The following MTUS2 variants were observed in gnomAD, a reference collection of about 807,000 sequenced individuals.
MTUS2 encodes the protein microtubule associated scaffold protein 2.
In MTUS2, 40 loss-of-function variants were observed where a neutral mutation model predicts 114.1. The observed-to-expected ratio is 0.35, with a 90% CI of 0.27 to 0.46. The LOEUF is 0.46. Among genes scored for constraint, MTUS2 ranks in the 20% least tolerant of loss-of-function variants. The probability of loss-of-function intolerance (pLI) is 1.00; values close to 1 mark genes in which losing one functional copy is unlikely to be tolerated. For missense variants in MTUS2, 1,679 were observed against 1,705.4 expected, an observed-to-expected ratio of 0.98 and a Z score of 0.27; for synonymous variants, 688 against 672.0, an observed-to-expected ratio of 1.02 and a Z score of -0.37.
chr13:29,355,525 G>T (rs898548535), intron 7 of MTUS2, among the ~76,000 whole-genome samples: 3 of 152,234 alleles, frequency 2.0e-5, no homozygotes, highest in African/African-American at 7.2e-5. Context: ...TGGGCAAGGT[G>T]GTCAGAAGAC....
intron 2 of MTUS2, among the ~76,000 whole-genome samples, chr13:28,895,195 G>A (rs962777380): frequency 6.6e-6 from 1 of 152,110 alleles, no homozygotes; most frequent in Non-Finnish European, 1.5e-5. Flanking sequence ...TCCCAGATCC[G>A]AAATACAGTG....
At chr13:28,830,415 T>A (rs1566163281) in intron 1 of MTUS2, among the ~76,000 whole-genome samples, 1 of 152,032 alleles carries the variant, frequency 6.6e-6, no homozygotes. Context: ...AGAAAAATGA[T>A]GTCTCTTCAA....
chr13:29,002,253 A>C (rs962379951), intron 2 of MTUS2, among the ~76,000 whole-genome samples: 1 of 152,178 alleles, frequency 6.6e-6, no homozygotes, highest in Non-Finnish European at 1.5e-5. Context: ...CACTCAGCAA[A>C]ATGACCGTGT....
chr13:29,000,409 C>A (rs1206020129), intron 2 of MTUS2, among the ~76,000 whole-genome samples: 1 of 151,996 alleles, frequency 6.6e-6, no homozygotes, highest in Non-Finnish European at 1.5e-5. Context: ...GTTGCCCAGG[C>A]TGTAGTGCAG....
At chr13:29,164,510 T>A (rs1019240956) in intron 5 of MTUS2, among the ~76,000 whole-genome samples, 2 of 152,208 alleles carry the variant, frequency 1.3e-5, no homozygotes, top group Non-Finnish European at 2.9e-5. Context: ...TAAAGATTGG[T>A]TATTGACAGG....
chr13:29,428,948 GAGAA>G, intron 8 of MTUS2: 1 of 1,597,204 alleles, frequency 6.3e-7, no homozygotes, highest in Non-Finnish European at 8.6e-7. Flanking sequence ...CAAGGGCAGA[GAGAA>G]AGCCGTGAGC....
intron 1 of MTUS2, among the ~76,000 whole-genome samples, chr13:28,821,738 T>C (rs774660162): frequency 6.6e-6 from 1 of 152,244 alleles, no homozygotes; most frequent in Non-Finnish European, 1.5e-5. Flanking sequence ...TTGTGGAGCA[T>C]TGTATTGTCA....
At chr13:29,099,249 T>G (rs1011043800) in intron 4 of MTUS2, among the ~76,000 whole-genome samples, 1 of 152,250 alleles carries the variant, frequency 6.6e-6, no homozygotes, top group African/African-American at 2.4e-5. Flanking sequence ...TTTTTGTTTT[T>G]TGTGCTTTTC....
chr13:29,317,432 CTTTTT>C lies in MTUS2; in HGVS notation c.2807-7168_2807-7164del, dbSNP rs552766235. 3.9e-5 allele frequency among the ~76,000 whole-genome samples: 2 copies of C among 51,664 alleles called. 1 individual carries two copies. Among genetic ancestry groups the C allele is most frequent in the Non-Finnish European group, 7.6e-5 (2 of 26,432 alleles). 33.9% of individuals were successfully genotyped at this position (51,664 alleles called of 152,430 possible). A position where few individuals can be genotyped will look rare whatever the true frequency, so the allele number is the denominator to read the frequency against. On this transcript the variant is annotated intron_variant, in intron 6 of 15. Transcript: ENST00000612955. Reference sequence around the variant, plus strand: ...GCTTGTGCGCGCGCTCTCTCTCTCTCTTTTTTTTTTTTTTTTTGAGACGGAGTCTC... The same window carrying C: ...GCTTGTGCGCGCGCTCTCTCTCTCTCTTTTTTTTTTTTGAGACGGAGTCTC...
intron 5 of MTUS2, among the ~76,000 whole-genome samples, chr13:29,232,466 A>G (rs187165168): frequency 4.6e-5 from 7 of 152,314 alleles, no homozygotes; most frequent in Admixed American, 2.0e-4. Context: ...ATAAATAGCC[A>G]TTGGGGGGGA....
At chr13:29,288,182 A>G (rs1363949278) in intron 6 of MTUS2, among the ~76,000 whole-genome samples, 1 of 152,226 alleles carries the variant, frequency 6.6e-6, no homozygotes, top group African/African-American at 2.4e-5. Flanking sequence ...GAAAGTTTTA[A>G]GTTGGAGATT....
intron 5 of MTUS2, among the ~76,000 whole-genome samples, chr13:29,206,795 G>T (rs535620863): frequency 5.7e-4 from 87 of 152,262 alleles, no homozygotes; most frequent in Non-Finnish European, 9.4e-4. Context: ...GTACCATGCT[G>T]TTTTGGTGAC....
intron 5 of MTUS2, among the ~76,000 whole-genome samples, chr13:29,139,428 TTATAA>T (rs1422689130): frequency 1.3e-5 from 2 of 152,344 alleles, no homozygotes; most frequent in East Asian, 1.9e-4. Context: ...TCATTTTAAC[TTATAA>T]TAAATAGTTT....
intron 5 of MTUS2, among the ~76,000 whole-genome samples, chr13:29,183,253 TGAGAGA>T (rs60832110): frequency 0.085 from 12,524 of 147,306 alleles, 661 homozygotes; most frequent in African/African-American, 0.14. Context: ...GATGTTGGGG[TGAGAGA>T]GAGAGAGAGA....
At position 29,247,621 on chromosome 13, in the gene MTUS2, C is replaced by G. The variant is rs139090725; in HGVS notation, c.2645-34083C>G. On this transcript the variant is annotated intron_variant, in intron 5 of 15. Coordinates refer to ENST00000612955, the MANE Select transcript of MTUS2 (RefSeq NM_001033602.4). The stretch of plus-strand genomic sequence containing the variant: ...AATAGACAATTCCCAAAAGAAGATA[C>G]GTAAATGGCCAACAAACATACGAAA... 7.6e-3 allele frequency among the ~76,000 whole-genome samples: 1,158 copies of G among 152,092 alleles called. 6 individuals are homozygous for G. The highest frequency in any genetic ancestry group is 0.011 in the Non-Finnish European group (714 of 67,970).
rs151092309 is a variant in MTUS2 at position 29,080,317 on chromosome 13, T to C, written c.2447-20456T>C. ...AATACAGAGGAAAAAAACCCCAAAC[T>C]ACTCTACTTTGGTTCTTACATTAAT... On this transcript the variant is annotated intron_variant, in intron 4 of 15. Coordinates refer to ENST00000612955, the MANE Select transcript of MTUS2 (RefSeq NM_001033602.4). 5.5e-3 allele frequency among the ~76,000 whole-genome samples: 837 copies of C among 152,320 alleles called. 6 individuals carry two copies. The highest frequency in any genetic ancestry group is 7.8e-3 in the Admixed American group (119 of 15,292).
chr13:29,420,640 T>A (rs2388067), intron 8 of MTUS2, among the ~76,000 whole-genome samples: 1 of 152,084 alleles, frequency 6.6e-6, no homozygotes, highest in South Asian at 2.1e-4. Context: ...TATGGTTCAC[T>A]GGGATCATTC....
intron 2 of MTUS2, among the ~76,000 whole-genome samples, chr13:28,879,597 T>G (rs1299376191): frequency 2.0e-5 from 3 of 152,212 alleles, no homozygotes; most frequent in Non-Finnish European, 4.4e-5. Context: ...GAAAATATTC[T>G]TGAAACATCA....
chr13:29,271,442 C>T (rs1217809094), intron 5 of MTUS2, among the ~76,000 whole-genome samples: 4 of 152,198 alleles, frequency 2.6e-5, no homozygotes, highest in African/African-American at 4.8e-5. Context: ...ATCCCTTCTC[C>T]TTCACAGTTT....
Sources: allele counts gnomAD v4.1 joint callset (sites outside exome capture counted in the v4.1 genomes callset), GRCh38; gene constraint gnomAD v4.1.1; transcripts MANE v1.5; gene names NCBI Gene and HGNC (gene_info 2026-07-23, HGNC 2026-07-21).